RNASE9: variants seen among roughly 807,000 people sequenced by gnomAD.
RNASE9 encodes ribonuclease A family member 9 (inactive), also known as inactive ribonuclease-like protein 9.
For missense variants in RNASE9, 263 were observed against 247.1 expected (o/e 1.06, Z -0.43); for synonymous variants, 95 against 87.6 (o/e 1.08, Z -0.47).
At chr14:20,559,427 CAGAG>C (rs1313411233) in intron 2 of RNASE9, among the ~76,000 whole-genome samples, 151 bp downstream of exon 2, 3 of 146,370 alleles carry the variant, frequency 2.0e-5, no homozygotes, top group South Asian at 2.1e-4. Flanking sequence ...GAGAGAGAGA[CAGAG>C]AGAAAGAGAG....
exon 3 of RNASE9, chr14:20,558,214 T>C (rs1056698737): frequency 1.6e-5 from 7 of 431,064 alleles, no homozygotes; most frequent in Admixed American, 7.2e-5. Flanking sequence ...TCCTACTTGG[T>C]GGCAACCTGA....
intron 1 of RNASE9, 145 bp downstream of exon 1, chr14:20,560,729 A>G (rs919814101): frequency 6.6e-6 from 1 of 152,170 alleles, no homozygotes; most frequent in African/African-American, 2.4e-5. Flanking sequence ...CAAATATATT[A>G]ATCAATAAAG....
In RNASE9 at chr14:20,556,696, T is replaced by G. The variant is rs1168275818; in HGVS notation, c.374A>C (p.Asn125Thr). The change falls in exon 3 of 3, where the codon AAT (asparagine) becomes ACT (threonine). Residue 125 changes from asparagine to threonine, a missense_variant. Physicochemically the swap from Asn to Thr is moderately conservative, Grantham distance 65. Coordinates refer to ENST00000555230, the Ensembl canonical transcript of RNASE9. ...GCTCCTGTTACATTTCCTAATTCCATTCTTACATGGCACAAATCTGTTGTA... is the reference window on the plus strand; with the variant it reads ...GCTCCTGTTACATTTCCTAATTCCAGTCTTACATGGCACAAATCTGTTGTA... The G allele has an allele frequency of 3.1e-6, 5 of 1,613,810 alleles. No homozygotes were observed. In the East Asian group the frequency reaches 8.9e-5, roughly 29 times the overall value.
At chr14:20,559,773 G>A (rs1044527809) in intron 1 of RNASE9, 140 bp from the exon 2 acceptor site, 4 of 152,220 alleles carry the variant, frequency 2.6e-5, no homozygotes, top group South Asian at 2.1e-4. Context: ...TAGGGAAAAC[G>A]TTTGGCCCTT....
At position 20,557,054 on chromosome 14, in the gene RNASE9, TGA is replaced by T. The variant is rs780668192; in HGVS notation, c.14_15del (p.Leu5HisfsTer29). The T allele has an allele frequency of 6.2e-7, 1 of 1,606,260 alleles. No homozygotes were observed. Among genetic ancestry groups the T allele is most frequent in the Non-Finnish European group, 8.5e-7 (1 of 1,177,222 alleles). ...AGCAGGGGCAGTGGGTGTGTGGTGA[TGA>T]GAGTTCTCATCATTTTTCCTGCAGA... On this transcript the variant is annotated frameshift_variant, in exon 3 of 3. Transcript: ENST00000555230. LOFTEE classifies it low-confidence loss of function (END_TRUNC).
At chr14:20,556,808 T>A (rs374132625) in exon 3 of RNASE9, 1 of 1,613,784 alleles carries the variant, frequency 6.2e-7, no homozygotes, top group African/African-American at 1.3e-5. Context: ...TTTTTTCCCA[T>A]GATTTCATGG....
chr14:20,556,219 G>A, exon 3 of RNASE9: 1 of 467,384 alleles, frequency 2.1e-6, no homozygotes, highest in Non-Finnish European at 3.8e-6. Context: ...GCAGGCATCT[G>A]TATCCGTAAC....
exon 3 of RNASE9, chr14:20,558,551 TC>T (rs1883808331): frequency 6.5e-7 from 1 of 1,549,100 alleles, no homozygotes; most frequent in African/African-American, 1.4e-5. Flanking sequence ...GTCATCAGTG[TC>T]CTCCAGGAAG....
At chr14:20,558,780 T>G (rs1380410526) in intron 2 of RNASE9, 1 of 590,316 alleles carries the variant, frequency 1.7e-6, no homozygotes, top group African/African-American at 1.9e-5. Context: ...ATCTGCAACC[T>G]TCTTAATTCT....
At chr14:20,557,445 T>TG (rs113794847) in exon 3 of RNASE9, 14,375 of 191,158 alleles carry the variant, frequency 0.075, 2,165 homozygotes, top group African/African-American at 0.32. Context: ...AAAGGGAGGG[T>TG]GCAGAGAGGA....
rs756093995 is a variant in RNASE9, at chr14:20,556,586, C to T, written c.484G>A (p.Gly162Ser). The change falls in exon 3 of 3, where the codon GGC (glycine) becomes AGC (serine). Residue 162 changes from glycine to serine, a missense_variant. Coordinates refer to ENST00000555230, the Ensembl canonical transcript of RNASE9. ...CATGAACAAGTGATAAGGACGTAGCCCTTCCTATAAAGTGATTCGTATTTA... is the reference window on the plus strand; with the variant it reads ...CATGAACAAGTGATAAGGACGTAGCTCTTCCTATAAAGTGATTCGTATTTA... The T allele has an allele frequency of 3.1e-6, 5 of 1,613,674 alleles. No homozygotes were observed. In the Admixed American group the frequency reaches 8.3e-5, roughly 27 times the overall value.
chr14:20,558,290 G>T (rs1883793804), exon 3 of RNASE9: 2 of 583,980 alleles, frequency 3.4e-6, no homozygotes, highest in Non-Finnish European at 6.1e-6. Flanking sequence ...ACAGCCTCCT[G>T]TTCTAGGCTG....
intron 1 of RNASE9, chr14:20,560,258 A>G (rs1883900419): frequency 6.6e-6 from 1 of 152,156 alleles, no homozygotes; most frequent in Non-Finnish European, 1.5e-5. Context: ...TCATGATCAT[A>G]TAATAATTAT....
chr14:20,559,037 T>G (rs1175755785), intron 2 of RNASE9, among the ~76,000 whole-genome samples: 1 of 152,146 alleles, frequency 6.6e-6, no homozygotes, highest in African/African-American at 2.4e-5. Flanking sequence ...AAAAGCTAGT[T>G]TCTATATTTA....
exon 3 of RNASE9, chr14:20,558,445 C>T: frequency 2.4e-6 from 2 of 824,358 alleles, no homozygotes; most frequent in East Asian, 2.6e-5. Flanking sequence ...GAAAAAGTTG[C>T]CTAAAATGGC....
At chr14:20,558,071 C>A in exon 3 of RNASE9, 1 of 224,644 alleles carries the variant, frequency 4.5e-6, no homozygotes, top group East Asian at 1.0e-4. Context: ...ACTGAAATGG[C>A]CAGTGCTAAA....
exon 3 of RNASE9, chr14:20,558,538 A>G: frequency 1.9e-6 from 3 of 1,545,296 alleles, no homozygotes; most frequent in Non-Finnish European, 2.6e-6. Context: ...CTGCTTTCAC[A>G]CTGTCATCAG....
At chr14:20,556,942 T>G in exon 3 of RNASE9, 2 of 1,614,148 alleles carry the variant, frequency 1.2e-6, no homozygotes, top group Non-Finnish European at 1.7e-6. Flanking sequence ...CTCTTCAAAT[T>G]CTTCTTTTTT....
At chr14:20,560,903 A>C (rs1284124518) in exon 1 of RNASE9, 1 of 152,208 alleles carries the variant, frequency 6.6e-6, no homozygotes, top group Non-Finnish European at 1.5e-5. Context: ...ATGTTGACTC[A>C]CAGAAGTTGG....
Sources: gnomAD v4.1 joint callset for allele counts (sites outside exome capture counted in the v4.1 genomes callset) on GRCh38, gnomAD v4.1.1 for gene constraint, MANE v1.5 for transcripts, NCBI Gene and HGNC (gene_info 2026-07-23, HGNC 2026-07-21) for gene names.